Variants in FREM3 observed in about 807,000 individuals in gnomAD.
FREM3 encodes FRAS1 related extracellular matrix 3, also known as FRAS1-related extracellular matrix protein 3.
In FREM3, 105 loss-of-function variants were observed where a neutral mutation model predicts 129.1. The observed-to-expected ratio is 0.81, with a 90% CI of 0.69 to 0.96. The LOEUF (loss-of-function observed/expected upper bound fraction) is 0.96. Ranked by LOEUF, FREM3 falls within the 40% of genes least tolerant of loss-of-function variation. The pLI, the probability that FREM3 is intolerant of heterozygous loss-of-function variation, is 0.00. For missense variants in FREM3, 2,593 were observed against 2,666.3 expected (o/e 0.97, Z 0.61); for synonymous variants, 1,014 against 1,044.9 (o/e 0.97, Z 0.57).
intron 2 of FREM3, among the ~76,000 whole-genome samples, chr4:143,664,014 T>C (rs1438015115): frequency 1.3e-5 from 2 of 152,142 alleles, no homozygotes; most frequent in Admixed American, 1.3e-4. Flanking sequence ...TTTCAACTTC[T>C]TTGCCTTCCG....
intron 7 of FREM3, among the ~76,000 whole-genome samples, chr4:143,579,523 T>C (rs1299795689): frequency 1.3e-5 from 2 of 152,160 alleles, no homozygotes; most frequent in Non-Finnish European, 2.9e-5. Context: ...AGGTTTTGTA[T>C]CTCATGGACT....
chr4:143,583,894 C>T (rs1738190668), intron 7 of FREM3, among the ~76,000 whole-genome samples: 1 of 152,196 alleles, frequency 6.6e-6, no homozygotes, highest in Admixed American at 6.5e-5. Flanking sequence ...AAAGCAACTA[C>T]ACAATTGAGT....
At chr4:143,621,594 A>G (rs1168639534) in intron 4 of FREM3, among the ~76,000 whole-genome samples, 3 of 152,248 alleles carry the variant, frequency 2.0e-5, no homozygotes, top group African/African-American at 7.2e-5. Flanking sequence ...CAAACTGCTT[A>G]TTTAACATTT....
At position 143,611,286 on chromosome 4, in the gene FREM3, A is replaced by G. The variant is rs1174743069; in HGVS notation, c.6021T>C (p.Arg2007=). 2.6e-6 allele frequency: 4 copies of G among 1,535,986 alleles called. No individual in the cohort carries two copies. The highest frequency in any genetic ancestry group is 3.5e-6 in the Non-Finnish European group (4 of 1,145,994). The part of the protein sequence containing the change: ...PTTKVTILAD[R]YDEPVLHFGD... ...AGCAACAAATGGACTTACCATCATA[A>G]CGATCAGCCAGAATAGTCACCTTAG... Residue 2007 remains arginine (R), a synonymous_variant, in exon 6 of 8, where the codon CGT becomes CGC. Transcript: ENST00000329798.
intron 2 of FREM3, among the ~76,000 whole-genome samples, chr4:143,638,779 C>T (rs1739274890): frequency 6.6e-6 from 1 of 152,068 alleles, no homozygotes; most frequent in Non-Finnish European, 1.5e-5. Context: ...ATTGAGAAGA[C>T]ACAGATACAG....
At chr4:143,676,338 A>T (rs1057480778) in intron 2 of FREM3, among the ~76,000 whole-genome samples, 1 of 152,028 alleles carries the variant, frequency 6.6e-6, no homozygotes, top group African/African-American at 2.4e-5. Flanking sequence ...ACAAAATTCA[A>T]CAACCCTTCA....
At chr4:143,587,448 T>C (rs1738262277) in intron 6 of FREM3, among the ~76,000 whole-genome samples, 1 of 152,200 alleles carries the variant, frequency 6.6e-6, no homozygotes, top group South Asian at 2.1e-4. Context: ...TTCTTTCTTT[T>C]CTTTTTAATG....
At chr4:143,655,701 A>G (rs1405319425) in intron 2 of FREM3, among the ~76,000 whole-genome samples, 3 of 152,174 alleles carry the variant, frequency 2.0e-5, no homozygotes, top group East Asian at 3.8e-4. Flanking sequence ...GAAAAAAATA[A>G]ATTCATTTCA....
At position 143,621,115 on chromosome 4, in the gene FREM3, T is replaced by A. The variant is rs894049132; in HGVS notation, c.5701A>T (p.Ile1901Phe). ...CTTACTGGAATCAAAAGTTCCCCAA[T>A]GTCCTCTTCTATTTTGTATTCCGCC... ...PEAEYKIEEDIGELLIPVRRS... is the reference protein window; with the variant it reads ...PEAEYKIEEDFGELLIPVRRS... Residue 1901 changes from isoleucine (I) to phenylalanine (F), a missense_variant, in exon 5 of 8, where the codon ATT becomes TTT. Around this residue, in one of 2 missense-constraint regions of FREM3, gnomAD observed 317 missense variants for 399.0 expected, o/e 0.79. Transcript: ENST00000329798. 24 of 1,536,876 alleles carry A rather than the reference T, an allele frequency of 1.6e-5. No homozygotes were observed. In the Admixed American group the frequency reaches 1.8e-4, roughly 11 times the overall value.
At chr4:143,637,768 T>C in intron 2 of FREM3, among the ~76,000 whole-genome samples, 1 of 152,018 alleles carries the variant, frequency 6.6e-6, no homozygotes, top group East Asian at 1.9e-4. Flanking sequence ...AGATATGAGA[T>C]TTATGTGGTC....
At chr4:143,668,819 A>C (rs1353878843) in intron 2 of FREM3, among the ~76,000 whole-genome samples, 1 of 152,194 alleles carries the variant, frequency 6.6e-6, no homozygotes, top group African/African-American at 2.4e-5. Flanking sequence ...TTTTTTGTAA[A>C]TTACTTTAGA....
intron 2 of FREM3, among the ~76,000 whole-genome samples, chr4:143,629,900 C>A (rs1739107995): frequency 6.6e-6 from 1 of 152,088 alleles, no homozygotes; most frequent in South Asian, 2.1e-4. Flanking sequence ...GAGATCAATG[C>A]AACACAAACG....
chr4:143,662,635 C>G (rs969628194), intron 2 of FREM3, among the ~76,000 whole-genome samples: 2 of 151,802 alleles, frequency 1.3e-5, no homozygotes, highest in Non-Finnish European at 2.9e-5. Flanking sequence ...TCCTGGATAT[C>G]CTTGTTAACT....
chr4:143,594,743 A>C (rs35677072), intron 6 of FREM3, among the ~76,000 whole-genome samples: 21,315 of 152,210 alleles, frequency 0.14, 1,530 homozygotes, highest in South Asian at 0.21. Context: ...GGGTAGTGTC[A>C]CTTGGAAAAA....
Position 143,611,427 on chromosome 4 carries a change from T to C in FREM3, c.5880A>G (p.Thr1960=). The C allele has an allele frequency of 2.6e-6, 4 of 1,537,194 alleles. No individual in the cohort carries two copies. Among genetic ancestry groups the C allele is most frequent in the Non-Finnish European group, 3.5e-6 (4 of 1,146,856 alleles). ...TGATCAGGACCTGGCAGGTCTTCTG[T>C]GTCTCATTCTTGTCAAAGTGGAGGA... is the stretch of plus-strand genomic sequence containing the variant. ...TSILHFDKNE[T]QKTCQVLIID... The change falls in exon 6 of 8, where the codon ACA becomes ACG. Residue 1960 remains threonine, a synonymous_variant. Coordinates refer to ENST00000329798, the MANE Select transcript of FREM3 (RefSeq NM_001168235.2).
intron 6 of FREM3, among the ~76,000 whole-genome samples, chr4:143,593,827 C>T (rs1377892912): frequency 6.6e-6 from 1 of 152,238 alleles, no homozygotes; most frequent in African/African-American, 2.4e-5. Context: ...TGCCCTGCCT[C>T]CAGAGGTGGA....
At chr4:143,665,183 C>T (rs568970472) in intron 2 of FREM3, among the ~76,000 whole-genome samples, 17 of 152,144 alleles carry the variant, frequency 1.1e-4, no homozygotes, top group Non-Finnish European at 2.1e-4. Context: ...TTCTGCGTTG[C>T]TCACGCTGGG....
chr4:143,666,131 G>C (rs1166408539), intron 2 of FREM3, among the ~76,000 whole-genome samples: 2 of 152,064 alleles, frequency 1.3e-5, no homozygotes, highest in Non-Finnish European at 2.9e-5. Flanking sequence ...ATAGAAGATA[G>C]GTGCAGAGGT....
chr4:143,674,267 C>T (rs1740061510), intron 2 of FREM3, among the ~76,000 whole-genome samples: 1 of 152,160 alleles, frequency 6.6e-6, no homozygotes, highest in Admixed American at 6.5e-5. Context: ...ATTTTCATCC[C>T]AGAATTCCAT....
Sources: allele counts gnomAD v4.1 joint callset (sites outside exome capture counted in the v4.1 genomes callset), GRCh38; gene constraint gnomAD v4.1.1; regional missense constraint gnomAD v4.1.1; transcripts MANE v1.5; gene names NCBI Gene and HGNC (gene_info 2026-07-23, HGNC 2026-07-21).